Variants in GPC6 observed in about 807,000 individuals in gnomAD.
The protein encoded by GPC6 is glypican 6.
GPC6 carries 14 observed loss-of-function variants against 55.2 expected under a neutral mutation model. The observed-to-expected ratio is 0.25, with a 90% CI of 0.17 to 0.40. The LOEUF (loss-of-function observed/expected upper bound fraction) is 0.40, where lower values mean the gene tolerates loss of function less well. Ranked by LOEUF, GPC6 falls within the 10% of genes least tolerant of loss-of-function variation. The pLI is 1.00. For synonymous variants in GPC6, 278 were observed against 259.6 expected, an observed-to-expected ratio of 1.07 and a Z score of -0.68; for missense variants, 641 against 708.5, an observed-to-expected ratio of 0.90 and a Z score of 1.08.
rs540198079 is a variant in GPC6, at chr13:93,759,262, T to C, written c.320-70892T>C. Among the ~76,000 whole-genome samples the C allele has an allele frequency of 5.9e-5, 9 of 152,322 alleles. No homozygotes were observed. In the South Asian group the frequency reaches 1.9e-3, roughly 32 times the overall value. On this transcript the variant is annotated intron_variant, in intron 2 of 8. Transcript: ENST00000377047. Reference sequence around the variant, plus strand: ...TTACCATCCTGAGGACAATATACTTTATTCAGTAGTGTCCCCATATGTATC... The same window carrying C: ...TTACCATCCTGAGGACAATATACTTCATTCAGTAGTGTCCCCATATGTATC...
At chr13:93,930,911 G>A (rs1277540359) in intron 3 of GPC6, among the ~76,000 whole-genome samples, 2 of 152,126 alleles carry the variant, frequency 1.3e-5, no homozygotes, top group Admixed American at 6.5e-5. Flanking sequence ...GAGGCCTCAG[G>A]AAACTTACAA....
intron 5 of GPC6, among the ~76,000 whole-genome samples, chr13:94,296,689 G>A (rs1471920127): frequency 6.6e-6 from 1 of 152,092 alleles, no homozygotes; most frequent in East Asian, 1.9e-4. Context: ...ACATCTGTGG[G>A]GGAAACATGC....
intron 6 of GPC6, among the ~76,000 whole-genome samples, chr13:94,349,882 A>T (rs1878455665): frequency 6.6e-6 from 1 of 151,938 alleles, no homozygotes; most frequent in African/African-American, 2.4e-5. Context: ...AGGTGTTAAG[A>T]CTATGTTTAT....
At chr13:93,877,348 T>C (rs1181651050) in intron 3 of GPC6, among the ~76,000 whole-genome samples, 1 of 152,044 alleles carries the variant, frequency 6.6e-6, no homozygotes, top group African/African-American at 2.4e-5. Flanking sequence ...TTGTTATCCA[T>C]GGGTATGTTG....
chr13:93,497,626 C>G (rs1880354839), intron 1 of GPC6, among the ~76,000 whole-genome samples: 1 of 152,158 alleles, frequency 6.6e-6, no homozygotes, highest in Non-Finnish European at 1.5e-5. Flanking sequence ...TGTGAAAGAA[C>G]ACAATGTTGA....
intron 4 of GPC6, among the ~76,000 whole-genome samples, chr13:94,241,587 T>G (rs1594090007): frequency 6.6e-6 from 1 of 152,198 alleles, no homozygotes; most frequent in East Asian, 1.9e-4. Flanking sequence ...TTCTGCATTT[T>G]TGTAAATGTC....
rs559371627 is a variant in GPC6, at chr13:93,490,598, C to A, written c.161-54665C>A. 2.5e-4 allele frequency among the ~76,000 whole-genome samples: 33 copies of A among 133,468 alleles called. 2 individuals are homozygous for A. The South Asian group carries it at 8.6e-3, about 35-fold the overall frequency. 87.6% of individuals were successfully genotyped at this position (133,468 alleles called of 152,430 possible). On this transcript the variant is annotated intron_variant, in intron 1 of 8. Coordinates refer to ENST00000377047, the MANE Select transcript of GPC6 (RefSeq NM_005708.5). ...GTTAGTTACATATGTATACATGTGCCATGCTGGTGCGCTGCACCCACTAAC... is the reference window on the plus strand; with the variant it reads ...GTTAGTTACATATGTATACATGTGCAATGCTGGTGCGCTGCACCCACTAAC...
intron 4 of GPC6, among the ~76,000 whole-genome samples, chr13:94,243,283 C>T (rs1392803078): frequency 6.6e-6 from 1 of 152,022 alleles, no homozygotes; most frequent in African/African-American, 2.4e-5. Context: ...TACAAATCTG[C>T]CACCAAATTT....
At chr13:93,492,716 G>A (rs1340891753) in intron 1 of GPC6, among the ~76,000 whole-genome samples, 6 of 151,384 alleles carry the variant, frequency 4.0e-5, no homozygotes, top group Non-Finnish European at 7.4e-5. Context: ...AATTTACTGA[G>A]AGTTTTTAGC....
intron 2 of GPC6, among the ~76,000 whole-genome samples, chr13:93,552,880 G>C (rs1313814467): frequency 1.3e-5 from 2 of 152,188 alleles, no homozygotes. Context: ...TGAATTACAG[G>C]AGAAATTTTA....
Position 93,879,311 on chromosome 13 carries a change from C to G in GPC6, c.711+48766C>G, listed in dbSNP as rs1228182892. The stretch of plus-strand genomic sequence containing the variant: ...AGGCATCACACTACCTGACTTCAAA[C>G]TATACTACAAGGCTACAGTAACCAA... On this transcript the variant is annotated intron_variant, in intron 3 of 8. Transcript: ENST00000377047. 3.3e-5 allele frequency among the ~76,000 whole-genome samples: 5 copies of G among 152,108 alleles called. 1 individual carries two copies. The highest frequency in any genetic ancestry group is 1.3e-4 in the Admixed American group (2 of 15,260).
At chr13:93,404,258 A>G (rs369902500) in intron 1 of GPC6, among the ~76,000 whole-genome samples, 2 of 152,132 alleles carry the variant, frequency 1.3e-5, no homozygotes, top group African/African-American at 4.8e-5. Flanking sequence ...TTGGGGAACA[A>G]TTAGGAGGGT....
At chr13:94,261,710 G>A (rs908815131) in intron 4 of GPC6, among the ~76,000 whole-genome samples, 7 of 152,204 alleles carry the variant, frequency 4.6e-5, no homozygotes, top group Admixed American at 6.5e-5. Flanking sequence ...CAGAGACATA[G>A]AGCCCCATCA....
At chr13:94,241,065 G>A (rs979934866) in intron 4 of GPC6, among the ~76,000 whole-genome samples, 1 of 152,118 alleles carries the variant, frequency 6.6e-6, no homozygotes, top group Non-Finnish European at 1.5e-5. Context: ...GATGTAATTA[G>A]GTTTAGATGT....
At chr13:94,396,198 G>A (rs1042176812) in intron 7 of GPC6, among the ~76,000 whole-genome samples, 2 of 152,134 alleles carry the variant, frequency 1.3e-5, no homozygotes, top group African/African-American at 4.8e-5. Context: ...TTGTCCACAC[G>A]TTTATAAATA....
intron 4 of GPC6, among the ~76,000 whole-genome samples, chr13:94,092,372 A>G (rs1325828871): frequency 2.0e-5 from 3 of 152,106 alleles, no homozygotes; most frequent in Non-Finnish European, 4.4e-5. Context: ...TTCCCATATA[A>G]GTGAGATCAT....
intron 2 of GPC6, among the ~76,000 whole-genome samples, chr13:93,770,793 C>T (rs978631997): frequency 1.3e-5 from 2 of 152,120 alleles, no homozygotes; most frequent in African/African-American, 4.8e-5. Context: ...AATATTAGAC[C>T]AAGACCCACT....
chr13:93,886,899 AT>A (rs1419667642), intron 3 of GPC6, among the ~76,000 whole-genome samples: 7 of 151,622 alleles, frequency 4.6e-5, no homozygotes, highest in Non-Finnish European at 7.4e-5. Context: ...ATTGATTTTA[AT>A]TTTTTTTGTT....
chr13:93,737,399 A>T lies in GPC6; in HGVS notation c.320-92755A>T, dbSNP rs186182705. ...ATCTTCTGAAGTACATTAAAGATAGATAGCCCCCGTTCTCAAAGGTACTTC... is the reference window on the plus strand; with the variant it reads ...ATCTTCTGAAGTACATTAAAGATAGTTAGCCCCCGTTCTCAAAGGTACTTC... On this transcript the variant is annotated intron_variant, in intron 2 of 8. Transcript: ENST00000377047. Among the ~76,000 whole-genome samples the T allele has an allele frequency of 1.1e-4, 16 of 152,288 alleles. No homozygotes were observed. The East Asian group carries it at 3.1e-3, about 29-fold the overall frequency.
Sources: allele counts gnomAD v4.1 joint callset (sites outside exome capture counted in the v4.1 genomes callset), GRCh38; gene constraint gnomAD v4.1.1; transcripts MANE v1.5; gene names NCBI Gene and HGNC (gene_info 2026-07-23, HGNC 2026-07-21).